The following SEMA3C variants were observed in gnomAD, a reference collection of about 807,000 sequenced individuals.
SEMA3C encodes the protein semaphorin 3C, also known as semaphorin-3C.
A neutral mutation model predicts 89.4 loss-of-function variants in SEMA3C; 47 were observed. That is an observed-to-expected ratio of 0.53 (90% CI 0.42 to 0.67). SEMA3C has a LOEUF of 0.67. Among genes scored for constraint, SEMA3C ranks in the 30% least tolerant of loss-of-function variants. The probability of loss-of-function intolerance (pLI) is 0.00; values close to 1 mark genes in which losing one functional copy is unlikely to be tolerated. For synonymous variants in SEMA3C, 310 were observed against 320.2 expected (o/e 0.97, Z 0.34); for missense variants, 839 against 929.1 (o/e 0.90, Z 1.26).
intron 13 of SEMA3C, among the ~76,000 whole-genome samples, chr7:80,761,934 CA>C (rs1312432805): frequency 3.3e-5 from 5 of 151,282 alleles, no homozygotes; most frequent in African/African-American, 1.2e-4. Context: ...ACTAAAAATA[CA>C]AAAATTAGCC....
intron 15 of SEMA3C, among the ~76,000 whole-genome samples, chr7:80,754,579 C>T (rs577902158): frequency 6.6e-6 from 1 of 152,218 alleles, no homozygotes; most frequent in South Asian, 2.1e-4. Flanking sequence ...TTTGTATTTA[C>T]TATAAATACT....
intron 2 of SEMA3C, among the ~76,000 whole-genome samples, chr7:80,837,489 T>A (rs773277273): frequency 2.6e-5 from 4 of 152,188 alleles, no homozygotes; most frequent in Admixed American, 6.5e-5. Flanking sequence ...AGGAAAGGGT[T>A]AACATGGCCC....
At chr7:80,890,131 A>G (rs1475645820) in intron 2 of SEMA3C, among the ~76,000 whole-genome samples, 1 of 152,306 alleles carries the variant, frequency 6.6e-6, no homozygotes, top group East Asian at 1.9e-4. Flanking sequence ...TGTGTAAGTT[A>G]ATCTATCACA....
intron 2 of SEMA3C, among the ~76,000 whole-genome samples, chr7:80,885,456 G>T (rs758663893): frequency 1.1e-4 from 17 of 151,728 alleles, no homozygotes; most frequent in Non-Finnish European, 2.4e-4. Flanking sequence ...TCTCTACAAA[G>T]AAATGAAAAA....
At chr7:80,852,595 A>ATATAT (rs1790539262) in intron 2 of SEMA3C, among the ~76,000 whole-genome samples, 1 of 152,178 alleles carries the variant, frequency 6.6e-6, no homozygotes, top group Non-Finnish European at 1.5e-5. Context: ...AGGATTAATT[A>ATATAT]CCAGAATATA....
At chr7:80,876,123 C>T (rs1791196010) in intron 2 of SEMA3C, among the ~76,000 whole-genome samples, 1 of 152,126 alleles carries the variant, frequency 6.6e-6, no homozygotes, top group South Asian at 2.1e-4. Context: ...CAGGCATCTG[C>T]TGGGGGTCTT....
intron 11 of SEMA3C, among the ~76,000 whole-genome samples, chr7:80,794,741 G>A (rs1413417245): frequency 2.0e-5 from 3 of 152,212 alleles, no homozygotes; most frequent in African/African-American, 7.2e-5. Context: ...CTTTATACAT[G>A]TTGCAGCAGA....
intron 2 of SEMA3C, among the ~76,000 whole-genome samples, chr7:80,873,771 C>T (rs980524028): frequency 6.6e-6 from 1 of 152,118 alleles, no homozygotes; most frequent in Non-Finnish European, 1.5e-5. Context: ...TTGTGGTATG[C>T]AAGGGAGTGA....
chr7:80,907,677 T>G (rs1184019320), intron 2 of SEMA3C, among the ~76,000 whole-genome samples: 1 of 152,120 alleles, frequency 6.6e-6, no homozygotes, highest in Admixed American at 6.5e-5. Context: ...TAATAATGTT[T>G]AGTTGTGAAT....
chr7:80,836,842 T>G (rs1457680433), intron 2 of SEMA3C, among the ~76,000 whole-genome samples: 1 of 152,174 alleles, frequency 6.6e-6, no homozygotes, highest in African/African-American at 2.4e-5. Context: ...CCCCAGATTG[T>G]GCCCATTTCC....
rs74498265 is a variant in SEMA3C at position 80,893,603 on chromosome 7, A to G, written c.103+23076T>C. 4.2e-3 allele frequency among the ~76,000 whole-genome samples: 640 copies of G among 152,282 alleles called. 5 individuals are homozygous for G. Among genetic ancestry groups the G allele is most frequent in the African/African-American group, 0.014 (584 of 41,572 alleles). The stretch of plus-strand genomic sequence containing the variant: ...TGATGTCTGTTCGATACAAAAGACA[A>G]TGCCTCAAATACAGTAGGTGCTCAA... On this transcript the variant is annotated intron_variant, in intron 2 of 17. Transcript: ENST00000265361.
intron 12 of SEMA3C, among the ~76,000 whole-genome samples, chr7:80,789,032 G>A (rs1788869790): frequency 6.6e-6 from 1 of 151,850 alleles, no homozygotes; most frequent in Non-Finnish European, 1.5e-5. Flanking sequence ...ATGACAAATT[G>A]CCAAGAAAAT....
chr7:80,845,764 AGTCTGTGTGCTGGGAGTACAAT>A (rs1463286755), intron 2 of SEMA3C, among the ~76,000 whole-genome samples: 1 of 152,158 alleles, frequency 6.6e-6, no homozygotes, highest in Non-Finnish European at 1.5e-5. Context: ...CACTAGGGGC[AGTCTGTGTGCTGGGAGTACAAT>A]GACTAGGACC....
At chr7:80,848,628 T>G (rs547061117) in intron 2 of SEMA3C, among the ~76,000 whole-genome samples, 1 of 152,312 alleles carries the variant, frequency 6.6e-6, no homozygotes, top group African/African-American at 2.4e-5. Context: ...CCTCTTCCAG[T>G]TTTTGATGTT....
At chr7:80,773,719 T>C (rs1005905456) in intron 12 of SEMA3C, among the ~76,000 whole-genome samples, 1 of 152,126 alleles carries the variant, frequency 6.6e-6, no homozygotes, top group Non-Finnish European at 1.5e-5. Flanking sequence ...AAGAAATCAA[T>C]TCTGTGGTAC....
At chr7:80,770,486 T>C (rs1008474210) in intron 12 of SEMA3C, among the ~76,000 whole-genome samples, 9 of 152,266 alleles carry the variant, frequency 5.9e-5, no homozygotes, top group Admixed American at 5.2e-4. Flanking sequence ...TGTCACTTCT[T>C]TTTTTCTTTA....
chr7:80,807,653 T>A (rs2115699244), intron 6 of SEMA3C, among the ~76,000 whole-genome samples: 1 of 152,276 alleles, frequency 6.6e-6, no homozygotes, highest in African/African-American at 2.4e-5. Flanking sequence ...CTTTAAAAGA[T>A]AACATCTGAC....
chr7:80,857,466 G>A (rs1230882318), intron 2 of SEMA3C, among the ~76,000 whole-genome samples: 1 of 152,160 alleles, frequency 6.6e-6, no homozygotes, highest in East Asian at 1.9e-4. Flanking sequence ...TGCTAATTCA[G>A]CCAGGACATC....
chr7:80,889,555 A>G (rs762333504), intron 2 of SEMA3C, among the ~76,000 whole-genome samples: 1 of 152,152 alleles, frequency 6.6e-6, no homozygotes, highest in Non-Finnish European at 1.5e-5. Flanking sequence ...TATTGTCCTC[A>G]AAGAGGTATG....
Sources: gnomAD v4.1 joint callset for allele counts (sites outside exome capture counted in the v4.1 genomes callset) on GRCh38, gnomAD v4.1.1 for gene constraint, MANE v1.5 for transcripts, NCBI Gene and HGNC (gene_info 2026-07-23, HGNC 2026-07-21) for gene names.